Variants in LINC00632 observed in about 807,000 individuals in gnomAD.
The protein encoded by LINC00632 is long independently transcribed non-coding RNA 632, also known as ALDOA related specific transcript.
At chrX:140,780,273 T>G (rs1401169986) in exon 5 of LINC00632, among the ~76,000 whole-genome samples, 1 of 111,851 alleles carries the variant, frequency 8.9e-6, no homozygotes, top group East Asian at 2.8e-4. Context: ...TGCAAAATTT[T>G]CACACTTTGA....
At chrX:140,771,612 T>TACAC (rs77229499) in intron 3 of LINC00632, among the ~76,000 whole-genome samples, 30 of 79,715 alleles carry the variant, frequency 3.8e-4, no homozygotes, top group East Asian at 4.0e-4. Context: ...TTGGCATATA[T>TACAC]ACACACACAC....
exon 5 of LINC00632, among the ~76,000 whole-genome samples, chrX:140,787,164 T>C (rs760232369): frequency 9.3e-6 from 1 of 106,988 alleles, no homozygotes; most frequent in Non-Finnish European, 2.0e-5. Context: ...CTTCAAAATA[T>C]ATGTTAGCAA....
chrX:140,772,619 T>C (rs1173117502), exon 4 of LINC00632: 3 of 231,108 alleles, frequency 1.3e-5, no homozygotes, highest in African/African-American at 8.7e-5. Flanking sequence ...CAACACTTCC[T>C]AGGGCATATT....
At chrX:140,723,381 A>G (rs1930773601) in intron 2 of LINC00632, among the ~76,000 whole-genome samples, 1 of 46,587 alleles carries the variant, frequency 2.1e-5, no homozygotes, top group Non-Finnish European at 3.8e-5. Context: ...TTCCATACAC[A>G]CACATTCCAT....
At chrX:140,769,717 G>A (rs969606581) in intron 3 of LINC00632, among the ~76,000 whole-genome samples, 19 of 110,551 alleles carry the variant, frequency 1.7e-4, no homozygotes, top group Admixed American at 1.4e-3. Flanking sequence ...CACTTCAGCC[G>A]TCCTTTGTTT....
chrX:140,777,650 A>G (rs1021217588), exon 5 of LINC00632, among the ~76,000 whole-genome samples: 2 of 112,418 alleles, frequency 1.8e-5, no homozygotes, highest in Admixed American at 9.4e-5. Context: ...GCTAGGGAAA[A>G]TTATGATAGA....
chrX:140,733,390 T>TAAA (rs769252052), intron 2 of LINC00632, among the ~76,000 whole-genome samples: 8 of 106,523 alleles, frequency 7.5e-5, no homozygotes, highest in African/African-American at 2.7e-4. Flanking sequence ...CTATTGAAGT[T>TAAA]AAAAAAAAAA....
intron 3 of LINC00632, among the ~76,000 whole-genome samples, chrX:140,762,467 G>A (rs961671279): frequency 4.5e-5 from 5 of 112,328 alleles, no homozygotes; most frequent in Non-Finnish European, 9.4e-5. Flanking sequence ...TTTTGACTGT[G>A]AGAAAAATGA....
At chrX:140,734,048 G>A (rs1418869848) in intron 3 of LINC00632, 1 of 112,379 alleles carries the variant, frequency 8.9e-6, no homozygotes, top group Admixed American at 9.4e-5. Flanking sequence ...TGGTGAATAA[G>A]CACGTATACA....
chrX:140,722,763 G>A (rs971555345), intron 2 of LINC00632, among the ~76,000 whole-genome samples: 6 of 111,474 alleles, frequency 5.4e-5, no homozygotes, highest in Non-Finnish European at 1.1e-4. Flanking sequence ...GAAACTTGCC[G>A]GGCAAAACAA....
chrX:140,723,376 T>TCC (rs1602734263), intron 2 of LINC00632, among the ~76,000 whole-genome samples: 1 of 2,133 alleles, frequency 4.7e-4, no homozygotes. Context: ...ACACATTCCA[T>TCC]ACACACACAT....
At chrX:140,718,612 T>C (rs924591306) in intron 2 of LINC00632, among the ~76,000 whole-genome samples, 2 of 111,023 alleles carry the variant, frequency 1.8e-5, no homozygotes. Context: ...GGTTTCGCCA[T>C]GCTGGCCAGG....
At chrX:140,765,073 T>C (rs2148398265) in intron 3 of LINC00632, among the ~76,000 whole-genome samples, 1 of 111,636 alleles carries the variant, frequency 9.0e-6, no homozygotes, top group South Asian at 3.9e-4. Flanking sequence ...CGCAAGAAGC[T>C]AGATAAGAAA....
At chrX:140,721,358 A>G (rs1313003680) in intron 2 of LINC00632, among the ~76,000 whole-genome samples, 2 of 111,467 alleles carry the variant, frequency 1.8e-5, no homozygotes, top group Non-Finnish European at 3.8e-5. Flanking sequence ...GGCACCAGGG[A>G]CCACTTTTGT....
At chrX:140,734,015 A>G (rs1265342795) in intron 3 of LINC00632, 1 of 112,534 alleles carries the variant, frequency 8.9e-6, no homozygotes, top group Non-Finnish European at 1.9e-5. Context: ...AACTTCACTC[A>G]TTGCAAGGTT....
intron 2 of LINC00632, among the ~76,000 whole-genome samples, chrX:140,712,860 A>T (rs901769551): frequency 1.9e-5 from 2 of 105,975 alleles, no homozygotes; most frequent in South Asian, 9.3e-4. Context: ...TGGGGGGGAA[A>T]AAAAAGGGCG....
chrX:140,787,386 T>C (rs970016997), exon 5 of LINC00632, among the ~76,000 whole-genome samples: 4 of 111,758 alleles, frequency 3.6e-5, no homozygotes, highest in African/African-American at 6.5e-5. Context: ...AATTTTAATA[T>C]ATAATTTACT....
intron 3 of LINC00632, among the ~76,000 whole-genome samples, chrX:140,760,452 T>C (rs1031420536): frequency 1.8e-5 from 2 of 109,699 alleles, no homozygotes; most frequent in Non-Finnish European, 3.8e-5. Flanking sequence ...GGGAAAGGAG[T>C]GAGGGATGTG....
exon 4 of LINC00632, among the ~76,000 whole-genome samples, chrX:140,773,176 AAAG>A (rs1350824003): frequency 7.3e-5 from 8 of 109,711 alleles, no homozygotes; most frequent in African/African-American, 2.7e-4. Flanking sequence ...CAAAAAAAGA[AAAG>A]AAGAGAAGAG....
Sources: gnomAD v4.1 joint callset for allele counts (sites outside exome capture counted in the v4.1 genomes callset) on GRCh38, gnomAD v4.1.1 for gene constraint, MANE v1.5 for transcripts, NCBI Gene and HGNC (gene_info 2026-07-23, HGNC 2026-07-21) for gene names.